CFAP54: variants seen among roughly 807,000 people sequenced by gnomAD.
The protein encoded by CFAP54 is cilia- and flagella-associated protein 54.
CFAP54 carries 290 observed loss-of-function variants against 370.4 expected under a neutral mutation model. The ratio of observed to expected loss-of-function variants is 0.78; its 90% CI spans 0.71 to 0.86. The LOEUF (loss-of-function observed/expected upper bound fraction) is 0.86, where lower values mean the gene tolerates loss of function less well. Among genes scored for constraint, CFAP54 ranks in the 40% least tolerant of loss-of-function variants. The probability of loss-of-function intolerance (pLI) is 0.00; values close to 1 mark genes in which losing one functional copy is unlikely to be tolerated. For missense variants in CFAP54, 3,399 were observed against 3,528.7 expected, an observed-to-expected ratio of 0.96 and a Z score of 0.93; for synonymous variants, 1,206 against 1,236.5, an observed-to-expected ratio of 0.98 and a Z score of 0.52.
intron 36 of CFAP54, among the ~76,000 whole-genome samples, chr12:96,652,667 A>C (rs1465527305): frequency 6.6e-6 from 1 of 152,248 alleles, no homozygotes; most frequent in Non-Finnish European, 1.5e-5. Context: ...ATTTACTATT[A>C]GTGGGTTAAA....
intron 33 of CFAP54, chr12:96,645,909 G>T (rs539390413): frequency 6.6e-6 from 1 of 152,180 alleles, no homozygotes; most frequent in African/African-American, 2.4e-5. Flanking sequence ...TTAGAAAGTT[G>T]AAACTGGATC....
At chr12:96,842,327 G>T (rs913033733) in intron 66 of CFAP54, among the ~76,000 whole-genome samples, 2 of 152,044 alleles carry the variant, frequency 1.3e-5, no homozygotes, top group African/African-American at 4.8e-5. Flanking sequence ...GTAACATCTT[G>T]CAAAACTGCT....
intron 36 of CFAP54, among the ~76,000 whole-genome samples, chr12:96,654,469 C>T (rs1956897861): frequency 1.3e-5 from 2 of 150,050 alleles, no homozygotes; most frequent in African/African-American, 4.9e-5. Flanking sequence ...CCGCTGCACT[C>T]CAGCCTGGGC....
intron 14 of CFAP54, among the ~76,000 whole-genome samples, chr12:96,543,653 G>A (rs1012479140): frequency 1.5e-4 from 23 of 152,006 alleles, no homozygotes; most frequent in African/African-American, 4.8e-4. Flanking sequence ...TGATGTTTTC[G>A]TTTTCTAGGG....
At chr12:96,564,927 C>A in intron 19 of CFAP54, 162 bp downstream of exon 19, 1 of 374,864 alleles carries the variant, frequency 2.7e-6, no homozygotes, top group Non-Finnish European at 4.7e-6. Context: ...CTAATTCGTA[C>A]CTCCAGTTCT....
chr12:96,645,714 A>G (rs1265005610), intron 33 of CFAP54: 1 of 152,574 alleles, frequency 6.6e-6, no homozygotes, highest in African/African-American at 2.4e-5. Context: ...ACAAGGCTAC[A>G]GTAACCGAAA....
chr12:96,758,136 C>T (rs771356936), intron 58 of CFAP54, among the ~76,000 whole-genome samples: 166 of 152,016 alleles, frequency 1.1e-3, no homozygotes, highest in Non-Finnish European at 1.9e-3. Context: ...TCTCATGGAG[C>T]TTGCCTTTCA....
chr12:96,627,274 C>T (rs143264191), intron 30 of CFAP54, among the ~76,000 whole-genome samples: 1 of 152,250 alleles, frequency 6.6e-6, no homozygotes, highest in East Asian at 1.9e-4. Context: ...TCATTTACCA[C>T]GTGTTTGTAA....
intron 48 of CFAP54, among the ~76,000 whole-genome samples, chr12:96,716,285 A>AT (rs2136602702): frequency 6.6e-6 from 1 of 152,232 alleles, no homozygotes; most frequent in East Asian, 1.9e-4. Context: ...AGAAAATTTG[A>AT]TTTTTTGCTT....
chr12:96,621,451 T>TA, intron 26 of CFAP54, 139 bp from the exon 27 acceptor site: 1 of 410,062 alleles, frequency 2.4e-6, no homozygotes, highest in Non-Finnish European at 3.6e-6. Flanking sequence ...GAGGTAAACT[T>TA]ACGGTTTTTT....
At chr12:96,707,768 T>A (rs1957561538) in intron 47 of CFAP54, among the ~76,000 whole-genome samples, 1 of 152,072 alleles carries the variant, frequency 6.6e-6, no homozygotes, top group Non-Finnish European at 1.5e-5. Context: ...GATGCTCAGG[T>A]GGATGAAACA....
Position 96,651,721 on chromosome 12 carries a change from A to G in CFAP54, c.5006A>G (p.Asp1669Gly), listed in dbSNP as rs768394935. The G allele has an allele frequency of 1.9e-6, 3 of 1,613,974 alleles. No individual in the cohort carries two copies. The highest frequency in any genetic ancestry group is 1.1e-5 in the South Asian group (1 of 91,088). ...DLDKTFPISQ[D>G]GFLCTSVLPF... is the part of the protein sequence containing the mutation. ...GATAAAACATTTCCTATTAGCCAAGATGGTTTCCTCTGCACCTCTGTTTTA... is the reference window on the plus strand; with the variant it reads ...GATAAAACATTTCCTATTAGCCAAGGTGGTTTCCTCTGCACCTCTGTTTTA... Residue 1669 changes from aspartate to glycine, a missense_variant, in exon 36 of 68, where the codon GAT (aspartate) becomes GGT (glycine). Physicochemically the swap from Asp to Gly is moderately conservative, Grantham distance 94. Coordinates refer to ENST00000524981, the MANE Select transcript of CFAP54 (RefSeq NM_001306084.2).
At chr12:96,655,802 C>CAATAAGGG (rs1956915724) in intron 36 of CFAP54, among the ~76,000 whole-genome samples, 1 of 151,706 alleles carries the variant, frequency 6.6e-6, no homozygotes, top group African/African-American at 2.4e-5. Flanking sequence ...ATCTGTAAGG[C>CAATAAGGG]AATAAGGGAA....
At chr12:96,792,990 T>G (rs1471823401) in intron 63 of CFAP54, among the ~76,000 whole-genome samples, 1 of 152,118 alleles carries the variant, frequency 6.6e-6, no homozygotes, top group Non-Finnish European at 1.5e-5. Flanking sequence ...TTGTATTAAA[T>G]TTTCACCTCT....
intron 8 of CFAP54, 58 bp from the exon 9 acceptor site, chr12:96,527,188 C>T (rs927735929): frequency 2.7e-5 from 38 of 1,394,718 alleles, no homozygotes; most frequent in Non-Finnish European, 3.6e-5. Context: ...TGAGCCACTG[C>T]GCCCACAATA....
rs896398019 is a variant in CFAP54, at chr12:96,679,222, G to T, written c.5564-378G>T. On this transcript the variant is annotated intron_variant, in intron 39 of 67. Coordinates refer to ENST00000524981, the MANE Select transcript of CFAP54 (RefSeq NM_001306084.2). ...TCCAAGCAACTTTATTTCTTCCTTT[G>T]TTTCTTCTTTTTGTCTCTTTCCCAA... 5.9e-5 allele frequency among the ~76,000 whole-genome samples: 9 copies of T among 152,006 alleles called. No individual in the cohort carries two copies. The East Asian group carries it at 1.5e-3, about 26-fold the overall frequency.
At position 96,564,659 on chromosome 12, in the gene CFAP54, A is replaced by G. The variant is rs1032229201; in HGVS notation, c.2513A>G (p.Asn838Ser). ...TDCFTELNIMNKIKKNTLSKA... is the reference protein window; with the variant it reads ...TDCFTELNIMSKIKKNTLSKA... ...GTTTTTATAGAATTAAATATAATGAATAAAATAAAGAAGAATACATTATCC... is the reference window on the plus strand; with the variant it reads ...GTTTTTATAGAATTAAATATAATGAGTAAAATAAAGAAGAATACATTATCC... The change falls in exon 19 of 68, where the codon AAT (asparagine) becomes AGT (serine). Residue 838 changes from asparagine to serine, a missense_variant. Around this residue, in one of 3 missense-constraint regions of CFAP54, gnomAD observed 2,796 missense variants for 2,869.7 expected, o/e 0.97. Transcript: ENST00000524981. 2 of 639,660 alleles carry G rather than the reference A, an allele frequency of 3.1e-6. No homozygotes were observed. Among genetic ancestry groups the G allele is most frequent in the East Asian group, 5.5e-5 (2 of 36,118 alleles). 39.6% of individuals were successfully genotyped at this position (639,660 alleles called of 1,614,324 possible).
At chr12:96,551,265 C>CA (rs1195505348) in intron 15 of CFAP54, among the ~76,000 whole-genome samples, 1 of 151,898 alleles carries the variant, frequency 6.6e-6, no homozygotes, top group Non-Finnish European at 1.5e-5. Flanking sequence ...CATAACAAAA[C>CA]AAGACAAAAA....
At position 96,833,201 on chromosome 12, in the gene CFAP54, G is replaced by T. The variant is rs972310718; in HGVS notation, c.9171+4113G>T. Among the ~76,000 whole-genome samples, 8 of 152,252 alleles carry T rather than the reference G, an allele frequency of 5.3e-5. No individual in the cohort carries two copies. The East Asian group carries it at 1.4e-3, about 26-fold the overall frequency. On this transcript the variant is annotated intron_variant, in intron 66 of 67. Coordinates refer to ENST00000524981, the MANE Select transcript of CFAP54 (RefSeq NM_001306084.2). ...ATTTCTGGTGAGGCAGCAATAAAAAGAATTTTTAATTGCCTGTGTAGGTTC... is the reference window on the plus strand; with the variant it reads ...ATTTCTGGTGAGGCAGCAATAAAAATAATTTTTAATTGCCTGTGTAGGTTC...
Sources: gnomAD v4.1 joint callset for allele counts (sites outside exome capture counted in the v4.1 genomes callset) on GRCh38, gnomAD v4.1.1 for gene constraint, gnomAD v4.1.1 regional missense constraint, MANE v1.5 for transcripts, NCBI Gene and HGNC (gene_info 2026-07-23, HGNC 2026-07-21) for gene names.